Variants in PTPRD observed in about 807,000 individuals in gnomAD.
PTPRD encodes receptor-type tyrosine-protein phosphatase delta.
PTPRD carries 34 observed loss-of-function variants against 214.5 expected under a neutral mutation model. That is an observed-to-expected ratio of 0.16 (90% confidence interval 0.12 to 0.21). The LOEUF (loss-of-function observed/expected upper bound fraction) is 0.21. Among genes scored for constraint, PTPRD ranks in the 10% least tolerant of loss-of-function variants. PTPRD has a pLI of 1.00. For synonymous variants in PTPRD, 1,128 were observed against 845.7 expected (o/e 1.33, Z -5.79); for missense variants, 2,545 against 2,398.7 (o/e 1.06, Z -1.27).
intron 2 of PTPRD, among the ~76,000 whole-genome samples, chr9:10,519,821 C>T (rs1322914413): frequency 6.6e-6 from 1 of 151,896 alleles, no homozygotes; most frequent in East Asian, 1.9e-4. Flanking sequence ...TAAACCATGT[C>T]CATATAAAAC....
At chr9:9,003,143 G>A (rs992123364) in intron 11 of PTPRD, among the ~76,000 whole-genome samples, 4 of 151,986 alleles carry the variant, frequency 2.6e-5, no homozygotes, top group Non-Finnish European at 5.9e-5. Flanking sequence ...ATTATTGAAA[G>A]GTTTATTTTA....
At chr9:8,619,683 C>G (rs998264255) in intron 14 of PTPRD, among the ~76,000 whole-genome samples, 1 of 151,844 alleles carries the variant, frequency 6.6e-6, no homozygotes, top group Admixed American at 6.6e-5. Flanking sequence ...CCAGGTTACA[C>G]AGAAACTCAA....
At chr9:10,484,004 A>G (rs960396301) in intron 2 of PTPRD, among the ~76,000 whole-genome samples, 13 of 152,218 alleles carry the variant, frequency 8.5e-5, no homozygotes, top group African/African-American at 3.1e-4. Flanking sequence ...ACAATTGCAA[A>G]GATATGAAAT....
At chr9:9,163,803 T>C (rs2099895645) in intron 10 of PTPRD, among the ~76,000 whole-genome samples, 1 of 152,230 alleles carries the variant, frequency 6.6e-6, no homozygotes, top group African/African-American at 2.4e-5. Flanking sequence ...CCAGATATAC[T>C]GAACTCCCAC....
intron 11 of PTPRD, among the ~76,000 whole-genome samples, chr9:8,903,703 T>C (rs1405733496): frequency 6.6e-6 from 1 of 152,230 alleles, no homozygotes; most frequent in Admixed American, 6.5e-5. Context: ...CTGTGGGCTT[T>C]AGTTTCCTTA....
intron 4 of PTPRD, among the ~76,000 whole-genome samples, chr9:9,962,489 T>G (rs953716189): frequency 1.3e-5 from 2 of 152,018 alleles, no homozygotes; most frequent in Non-Finnish European, 2.9e-5. Flanking sequence ...GTGAGAACAT[T>G]TAAAGCACAA....
At chr9:9,845,137 TATATATATATTGCTCTATATATAGAGCA>T (rs1210383323) in intron 5 of PTPRD, among the ~76,000 whole-genome samples, 1 of 1,802 alleles carries the variant, frequency 5.5e-4, no homozygotes, top group Non-Finnish European at 1.7e-3. Flanking sequence ...TAGAGCAATA[TATATATATATTGCTCTATATATAGAGCA>T]ATATATATAT....
At chr9:9,321,684 T>C (rs1277133651) in intron 9 of PTPRD, among the ~76,000 whole-genome samples, 2 of 152,208 alleles carry the variant, frequency 1.3e-5, no homozygotes, top group East Asian at 3.8e-4. Context: ...TTCATTTACA[T>C]CTAACTTTCC....
intron 9 of PTPRD, among the ~76,000 whole-genome samples, chr9:9,236,865 A>G (rs565449044): frequency 3.9e-5 from 6 of 151,970 alleles, no homozygotes; most frequent in Non-Finnish European, 7.4e-5. Flanking sequence ...GCCAGCTCTC[A>G]ATGTGTTGTC....
chr9:10,101,142 A>G (rs1286228278), intron 3 of PTPRD, among the ~76,000 whole-genome samples: 2 of 151,686 alleles, frequency 1.3e-5, no homozygotes, highest in Non-Finnish European at 2.9e-5. Flanking sequence ...CACAGGTGAG[A>G]AAGTGGGGCA....
chr9:8,929,353 G>A (rs1470060079), intron 11 of PTPRD, among the ~76,000 whole-genome samples: 1 of 151,952 alleles, frequency 6.6e-6, no homozygotes, highest in Admixed American at 6.6e-5. Context: ...ATTATTTTGA[G>A]GTACATTCCA....
chr9:9,918,657 A>G (rs903752610), intron 5 of PTPRD, among the ~76,000 whole-genome samples: 7 of 152,136 alleles, frequency 4.6e-5, no homozygotes, highest in African/African-American at 1.7e-4. Flanking sequence ...AAAATACACT[A>G]CAAAGCTGTA....
intron 39 of PTPRD, among the ~76,000 whole-genome samples, chr9:8,349,683 T>C (rs1206711620): frequency 6.6e-6 from 1 of 152,164 alleles, no homozygotes; most frequent in Non-Finnish European, 1.5e-5. Flanking sequence ...AAGGAGTGCA[T>C]AACCCTGTGC....
intron 33 of PTPRD, among the ~76,000 whole-genome samples, chr9:8,456,215 C>T (rs1564944097): frequency 6.6e-6 from 1 of 152,060 alleles, no homozygotes; most frequent in Non-Finnish European, 1.5e-5. Context: ...TTAGTGGAGG[C>T]AAAGTGCCAA....
intron 11 of PTPRD, among the ~76,000 whole-genome samples, chr9:8,945,274 G>C (rs1178970356): frequency 6.6e-6 from 1 of 151,796 alleles, no homozygotes; most frequent in African/African-American, 2.4e-5. Flanking sequence ...CCCACTTAAG[G>C]CCTGAATTAT....
chr9:9,482,625 G>T (rs1057251052), intron 8 of PTPRD, among the ~76,000 whole-genome samples: 1 of 152,252 alleles, frequency 6.6e-6, no homozygotes, highest in East Asian at 1.9e-4. Context: ...GGTATTTACT[G>T]CCATTCTCTT....
At chr9:9,378,159 T>G (rs981596975) in intron 9 of PTPRD, among the ~76,000 whole-genome samples, 1 of 152,128 alleles carries the variant, frequency 6.6e-6, no homozygotes, top group Non-Finnish European at 1.5e-5. Flanking sequence ...CAGAGTAGTT[T>G]CACCACCCCA....
chr9:8,382,197 C>T (rs1325900683), intron 37 of PTPRD, among the ~76,000 whole-genome samples: 1 of 152,198 alleles, frequency 6.6e-6, no homozygotes, highest in Non-Finnish European at 1.5e-5. Flanking sequence ...ACAACCAGTA[C>T]AACTATGTTG....
At chr9:8,673,672 C>T (rs538745979) in intron 12 of PTPRD, among the ~76,000 whole-genome samples, 5 of 152,168 alleles carry the variant, frequency 3.3e-5, no homozygotes, top group South Asian at 2.1e-4. Context: ...TTCTTGACCT[C>T]GTATATTTAT....
Sources: gnomAD v4.1 joint callset for allele counts (sites outside exome capture counted in the v4.1 genomes callset) on GRCh38, gnomAD v4.1.1 for gene constraint, MANE v1.5 for transcripts, NCBI Gene and HGNC (gene_info 2026-07-23, HGNC 2026-07-21) for gene names.